ERCC6: variants seen among roughly 807,000 people sequenced by gnomAD.
The protein encoded by ERCC6 is ERCC excision repair 6, chromatin remodeling factor.
Under a neutral mutation model 158.7 loss-of-function variants are expected in ERCC6, and 116 were observed. That is an observed-to-expected ratio of 0.73 (90% CI 0.63 to 0.85). The LOEUF (loss-of-function observed/expected upper bound fraction) is 0.85, where lower values mean the gene tolerates loss of function less well. ERCC6 is among the 40% of genes least tolerant of loss of function. The pLI, the probability that ERCC6 is intolerant of heterozygous loss-of-function variation, is 0.00. For synonymous variants in ERCC6, 678 were observed against 659.3 expected, an observed-to-expected ratio of 1.03 and a Z score of -0.43; for missense variants, 1,698 against 1,799.4, an observed-to-expected ratio of 0.94 and a Z score of 1.02.
rs971155430 is a variant in ERCC6 at position 49,478,284 on chromosome 10, G to A, written c.2286+70C>T. On this transcript the variant is annotated intron_variant, in intron 11 of 20. Transcript: ENST00000355832. ...TCACCAGACTCTCTCATCCGCAGAG[G>A]AGAATCAGAGTGAAGGGAAAGACAC... 17 of 1,062,606 alleles carry A rather than the reference G, an allele frequency of 1.6e-5. No homozygotes were observed. The African/African-American group carries it at 2.0e-4, about 13-fold the overall frequency. The allele number at this position is 1,062,606 out of a possible 1,614,324, so 65.8% of individuals were successfully genotyped here.
chr10:49,531,288 A>G (rs751956414), intron 2 of ERCC6, among the ~76,000 whole-genome samples: 34 of 152,324 alleles, frequency 2.2e-4, no homozygotes, highest in South Asian at 4.1e-4. Context: ...CTGCGACAAT[A>G]TTTTTCTTCT....
the ERCC6 span, among the ~76,000 whole-genome samples, chr10:49,445,954 G>T: frequency 6.6e-6 from 1 of 152,128 alleles, no homozygotes. Flanking sequence ...CTACAGAGAA[G>T]CTTTGCTGTT....
At chr10:49,536,354 G>A (rs1267815976) in intron 1 of ERCC6, among the ~76,000 whole-genome samples, 3 of 152,124 alleles carry the variant, frequency 2.0e-5, no homozygotes, top group African/African-American at 7.2e-5. Flanking sequence ...GCTGGAGGGA[G>A]ACAGAGGAGA....
intron 8 of ERCC6, among the ~76,000 whole-genome samples, chr10:49,485,223 C>G (rs1438407226): frequency 6.6e-6 from 1 of 152,206 alleles, no homozygotes; most frequent in Non-Finnish European, 1.5e-5. Context: ...CCCCATTTTA[C>G]AGATGAGGGA....
At chr10:49,523,442 TAAAA>T (rs1358627315) in intron 5 of ERCC6, among the ~76,000 whole-genome samples, 1 of 152,170 alleles carries the variant, frequency 6.6e-6, no homozygotes, top group Non-Finnish European at 1.5e-5. Flanking sequence ...GTCTCTAACA[TAAAA>T]AACAACAGTG....
chr10:49,517,239 T>C, intron 5 of ERCC6: 1 of 1,397,060 alleles, frequency 7.2e-7, no homozygotes. Context: ...CTTTCTGTAT[T>C]TTCTTTTTAC....
At chr10:49,490,607 C>A (rs1488991992) in intron 8 of ERCC6, among the ~76,000 whole-genome samples, 3 of 152,192 alleles carry the variant, frequency 2.0e-5, no homozygotes, top group Non-Finnish European at 2.9e-5. Flanking sequence ...CCCGCCTCGG[C>A]CTCCCAAAGT....
chr10:49,537,506 CAT>C (rs1303994625), intron 1 of ERCC6, among the ~76,000 whole-genome samples: 2 of 125,868 alleles, frequency 1.6e-5, no homozygotes, highest in Admixed American at 7.7e-5. Flanking sequence ...TATATATACA[CAT>C]ACACACACAC....
At chr10:49,519,324 C>T (rs980161682) in intron 5 of ERCC6, among the ~76,000 whole-genome samples, 4 of 152,062 alleles carry the variant, frequency 2.6e-5, no homozygotes, top group Non-Finnish European at 5.9e-5. Flanking sequence ...CTGGAGGGGC[C>T]GTGATTATAA....
the ERCC6 span, among the ~76,000 whole-genome samples, chr10:49,446,253 ACACACC>A: frequency 0.18 from 26,464 of 146,644 alleles, 2,653 homozygotes; most frequent in South Asian, 0.34. Flanking sequence ...ACACACACAC[ACACACC>A]CCCCAATTTA....
At chr10:49,531,538 C>T (rs4253020) in intron 2 of ERCC6, among the ~76,000 whole-genome samples, 12 of 152,308 alleles carry the variant, frequency 7.9e-5, no homozygotes, top group South Asian at 6.2e-4. Context: ...TCTAGCATCA[C>T]TCTGCATGGA....
chr10:49,515,857 T>C, intron 5 of ERCC6: 1 of 1,614,196 alleles, frequency 6.2e-7, no homozygotes, highest in Non-Finnish European at 8.5e-7. Context: ...GAGGCAACAG[T>C]GACAACACTG....
intron 10 of ERCC6, among the ~76,000 whole-genome samples, chr10:49,479,029 C>T (rs901328964): frequency 1.3e-5 from 2 of 151,774 alleles, no homozygotes; most frequent in African/African-American, 4.8e-5. Flanking sequence ...ATCCCAGAAA[C>T]GAAAGGTCAC....
chr10:49,446,259 C>CACACACACA, the ERCC6 span, among the ~76,000 whole-genome samples: 4 of 114,228 alleles, frequency 3.5e-5, no homozygotes, highest in Admixed American at 1.7e-4. Flanking sequence ...ACACACACAC[C>CACACACACA]CCCCAATTTA....
At chr10:49,504,100 C>T (rs1851402511) in intron 6 of ERCC6, 1 of 152,166 alleles carries the variant, frequency 6.6e-6, no homozygotes, top group Non-Finnish European at 1.5e-5. Flanking sequence ...ACTCTATACC[C>T]TGTCAATTCA....
chr10:49,510,305 A>G (rs1235406035), intron 5 of ERCC6, among the ~76,000 whole-genome samples: 3 of 152,186 alleles, frequency 2.0e-5, no homozygotes, highest in Non-Finnish European at 4.4e-5. Context: ...AAGGATGTTC[A>G]AAATAAATAA....
intron 5 of ERCC6, among the ~76,000 whole-genome samples, chr10:49,520,984 C>A (rs1009482982): frequency 6.6e-6 from 1 of 152,140 alleles, no homozygotes; most frequent in Non-Finnish European, 1.5e-5. Flanking sequence ...AAGACAAGGC[C>A]CTGCACTGGA....
downstream of ERCC6, among the ~76,000 whole-genome samples, chr10:49,453,632 A>C (rs181497256): frequency 3.9e-5 from 6 of 152,294 alleles, no homozygotes; most frequent in East Asian, 1.2e-3. Flanking sequence ...TCTTGCTTTC[A>C]GCCTAAAGAA....
chr10:49,515,588 T>G (rs1248693533), intron 5 of ERCC6: 5 of 1,614,054 alleles, frequency 3.1e-6, no homozygotes, highest in Non-Finnish European at 4.2e-6. Context: ...GAAAATCCAC[T>G]GGTTTCTCAT....
Sources: gnomAD v4.1 joint callset for allele counts (sites outside exome capture counted in the v4.1 genomes callset) on GRCh38, gnomAD v4.1.1 for gene constraint, MANE v1.5 for transcripts, NCBI Gene and HGNC (gene_info 2026-07-23, HGNC 2026-07-21) for gene names.